FER: variants seen among roughly 807,000 people sequenced by gnomAD.
FER encodes tyrosine-protein kinase Fer.
A neutral mutation model predicts 111.0 loss-of-function variants in FER; 63 were observed. That is an observed-to-expected ratio of 0.57 (90% CI 0.46 to 0.70). The LOEUF (loss-of-function observed/expected upper bound fraction) is 0.70, where lower values mean the gene tolerates loss of function less well. FER is among the 30% of genes least tolerant of loss of function. The pLI, the probability that FER is intolerant of heterozygous loss-of-function variation, is 0.00. For synonymous variants in FER, 327 were observed against 313.9 expected (o/e 1.04, Z -0.44); for missense variants, 914 against 954.0 (o/e 0.96, Z 0.55).
At chr5:108,766,083 C>T (rs1384178765) in intron 1 of FER, among the ~76,000 whole-genome samples, 3 of 151,970 alleles carry the variant, frequency 2.0e-5, no homozygotes, top group Non-Finnish European at 2.9e-5. Context: ...GTACATGCCA[C>T]CATGCCTGGC....
chr5:108,962,946 A>C (rs1187108523), intron 13 of FER, among the ~76,000 whole-genome samples: 1 of 152,198 alleles, frequency 6.6e-6, no homozygotes, highest in Non-Finnish European at 1.5e-5. Flanking sequence ...AAACTGTTTA[A>C]TTAATATGAA....
intron 13 of FER, among the ~76,000 whole-genome samples, chr5:108,993,379 AAAT>A (rs1303461865): frequency 6.6e-6 from 1 of 152,202 alleles, no homozygotes; most frequent in Non-Finnish European, 1.5e-5. Context: ...TCCACCAAAA[AAAT>A]ACGAAAACCA....
intron 17 of FER, among the ~76,000 whole-genome samples, chr5:109,109,511 T>G (rs1749343377): frequency 6.6e-6 from 1 of 152,134 alleles, no homozygotes; most frequent in Admixed American, 6.6e-5. Context: ...ATGAAGTTAC[T>G]TACTATGCTT....
rs528510737 is a variant in FER at position 108,863,431 on chromosome 5, T to G, written c.482-4336T>G. On this transcript the variant is annotated intron_variant, in intron 5 of 19. Transcript: ENST00000281092. ...GCTGCACCCAGGCAATTGCATTGAC[T>G]TTTGGGGACTTTTAATGAAATATAT... is the stretch of plus-strand genomic sequence containing the variant. Among the ~76,000 whole-genome samples, 3 of 152,304 alleles carry G rather than the reference T, an allele frequency of 2.0e-5. No individual in the cohort carries two copies. The East Asian group carries it at 5.8e-4, about 29-fold the overall frequency.
chr5:109,067,126 A>G (rs532953633), intron 16 of FER, among the ~76,000 whole-genome samples: 45 of 152,142 alleles, frequency 3.0e-4, no homozygotes, highest in Non-Finnish European at 6.2e-4. Flanking sequence ...CCTTAGAGAG[A>G]CTGACATAAG....
rs796721040 is a variant in FER at position 108,862,839 on chromosome 5, TA to T, written c.482-4917del. ...CTTAAACTAGCTTAAAAATGGTGAG[TA>T]AAAAAAAAAACCAGACTAAAAACCA... On this transcript the variant is annotated intron_variant, in intron 5 of 19. Transcript: ENST00000281092. Among the ~76,000 whole-genome samples the T allele has an allele frequency of 7.4e-3, 1,059 of 143,650 alleles. 13 individuals carry two copies. Among genetic ancestry groups the T allele is most frequent in the African/African-American group, 0.025 (971 of 39,484 alleles). 94.2% of individuals were successfully genotyped at this position (143,650 alleles called of 152,430 possible).
intron 17 of FER, among the ~76,000 whole-genome samples, chr5:109,170,300 G>T (rs1435475986): frequency 1.3e-5 from 2 of 152,088 alleles, no homozygotes; most frequent in Admixed American, 6.6e-5. Flanking sequence ...CATCTTAAAT[G>T]GGAAAGAAAA....
intron 13 of FER, among the ~76,000 whole-genome samples, chr5:108,993,335 G>C (rs1260906441): frequency 6.6e-6 from 1 of 152,234 alleles, no homozygotes; most frequent in African/African-American, 2.4e-5. Flanking sequence ...TTAGGAGCTA[G>C]AGACCAGCCC....
intron 6 of FER, among the ~76,000 whole-genome samples, chr5:108,870,162 T>G (rs1336397198): frequency 6.6e-6 from 1 of 152,114 alleles, no homozygotes; most frequent in African/African-American, 2.4e-5. Context: ...TATCTGTACT[T>G]TGTGTAATAC....
Position 109,047,201 on chromosome 5 carries a change from AATGTG to A in FER, c.1924+6_1924+10del, listed in dbSNP as rs760286687. The A allele has an allele frequency of 2.0e-5, 32 of 1,561,826 alleles. No homozygotes were observed. The Middle Eastern group carries it at 5.1e-4, about 25-fold the overall frequency. Reference sequence around the variant, plus strand: ...CATCATTATGGAACTGGTTTCAGGTAATGTGATCTGAGAATTTTTGCATGATGACA... The same window carrying A: ...CATCATTATGGAACTGGTTTCAGGTAATCTGAGAATTTTTGCATGATGACA... On this transcript the variant is annotated splice_donor_5th_base_variant and intron_variant, in intron 16 of 19. Transcript: ENST00000281092.
chr5:108,794,923 C>A (rs945165566), intron 2 of FER, among the ~76,000 whole-genome samples: 2 of 152,172 alleles, frequency 1.3e-5, no homozygotes, highest in African/African-American at 4.8e-5. Context: ...ATATTTACAT[C>A]TTTCTACAGG....
chr5:108,833,081 ATC>A, intron 4 of FER, 138 bp downstream of exon 4: 1 of 640,090 alleles, frequency 1.6e-6, no homozygotes, highest in Non-Finnish European at 2.5e-6. Context: ...AATAAGTAAT[ATC>A]TTATTGAACA....
At chr5:109,010,476 T>G (rs1195878415) in intron 13 of FER, among the ~76,000 whole-genome samples, 1 of 152,124 alleles carries the variant, frequency 6.6e-6, no homozygotes, top group African/African-American at 2.4e-5. Context: ...CTTCTTTAAA[T>G]GTTTTGTGTT....
chr5:108,752,598 ATATTT>A (rs886386299), intron 1 of FER, among the ~76,000 whole-genome samples: 3 of 152,070 alleles, frequency 2.0e-5, no homozygotes, highest in African/African-American at 7.2e-5. Flanking sequence ...GTAAGTATAA[ATATTT>A]TAGTTTACCA....
chr5:108,799,943 G>C (rs1443894324), intron 3 of FER, among the ~76,000 whole-genome samples: 2 of 151,172 alleles, frequency 1.3e-5, no homozygotes, highest in Non-Finnish European at 3.0e-5. Flanking sequence ...CCCGGGTTCA[G>C]GTGATTCTTG....
chr5:108,789,758 A>G (rs1580539744), intron 2 of FER, among the ~76,000 whole-genome samples: 1 of 152,036 alleles, frequency 6.6e-6, no homozygotes, highest in African/African-American at 2.4e-5. Flanking sequence ...GCACGCCACC[A>G]TACCCAGCCA....
intron 16 of FER, among the ~76,000 whole-genome samples, chr5:109,073,925 T>G (rs1435871216): frequency 1.3e-5 from 2 of 152,158 alleles, no homozygotes; most frequent in Non-Finnish European, 2.9e-5. Context: ...TTGTGTTTAC[T>G]TGGATAAAGC....
chr5:108,787,207 G>A lies in FER; in HGVS notation c.-59-10917G>A, dbSNP rs1172014761. 3.3e-5 allele frequency among the ~76,000 whole-genome samples: 5 copies of A among 152,218 alleles called. No individual in the cohort carries two copies. The East Asian group carries it at 7.7e-4, about 23-fold the overall frequency. The stretch of plus-strand genomic sequence containing the variant: ...CAGGGTGGAGCAAAGCTGTGGCCAA[G>A]TCCAGGCACTGTTGCAACCCGGCCA... On this transcript the variant is annotated intron_variant, in intron 2 of 19. Transcript: ENST00000281092.
intron 16 of FER, among the ~76,000 whole-genome samples, chr5:109,096,910 A>G (rs772341254): frequency 1.3e-5 from 2 of 150,556 alleles, no homozygotes; most frequent in Non-Finnish European, 3.0e-5. Flanking sequence ...CAAAATAACA[A>G]CAACAATAAT....
Sources: allele counts gnomAD v4.1 joint callset (sites outside exome capture counted in the v4.1 genomes callset), GRCh38; gene constraint gnomAD v4.1.1; transcripts MANE v1.5; gene names NCBI Gene and HGNC (gene_info 2026-07-23, HGNC 2026-07-21).